The following GRM7 variants were observed in gnomAD, a reference collection of about 807,000 sequenced individuals.
The protein encoded by GRM7 is metabotropic glutamate receptor 7.
Under a neutral mutation model 84.5 loss-of-function variants are expected in GRM7, and 35 were observed. The ratio of observed to expected loss-of-function variants is 0.41; its 90% CI spans 0.32 to 0.55. The LOEUF is 0.55. Among genes scored for constraint, GRM7 ranks in the 20% least tolerant of loss-of-function variants. GRM7 has a pLI of 0.19. For synonymous variants in GRM7, 487 were observed against 455.1 expected (o/e 1.07, Z -0.89); for missense variants, 1,003 against 1,194.6 (o/e 0.84, Z 2.36).
intron 1 of GRM7, among the ~76,000 whole-genome samples, chr3:6,943,529 T>A (rs1472880537): frequency 6.6e-6 from 1 of 152,080 alleles, no homozygotes; most frequent in Admixed American, 6.5e-5. Flanking sequence ...ATTTATAGAT[T>A]CTATTCTGCT....
intron 1 of GRM7, among the ~76,000 whole-genome samples, chr3:7,059,187 C>T (rs1697338826): frequency 6.6e-6 from 1 of 151,722 alleles, no homozygotes; most frequent in African/African-American, 2.4e-5. Flanking sequence ...ATGTATTACA[C>T]ATATATGTAA....
intron 2 of GRM7, among the ~76,000 whole-genome samples, chr3:7,184,785 C>T (rs1031162174): frequency 1.3e-5 from 2 of 152,052 alleles, no homozygotes; most frequent in African/African-American, 2.4e-5. Context: ...CCTTACATTA[C>T]TCATTTGACA....
intron 4 of GRM7, among the ~76,000 whole-genome samples, chr3:7,352,649 G>C (rs1473966880): frequency 6.6e-6 from 1 of 152,086 alleles, no homozygotes; most frequent in Non-Finnish European, 1.5e-5. Context: ...ATGGACTCTT[G>C]CAAGAGAATA....
intron 9 of GRM7, among the ~76,000 whole-genome samples, chr3:7,706,693 C>T (rs1461394164): frequency 2.6e-5 from 4 of 152,240 alleles, no homozygotes; most frequent in South Asian, 2.1e-4. Context: ...TATTGCTAAT[C>T]AGGGAAGCTC....
chr3:7,106,455 G>A lies in GRM7; in HGVS notation c.520-39997G>A, dbSNP rs116617532. 5.8e-3 allele frequency among the ~76,000 whole-genome samples: 867 copies of A among 150,670 alleles called. 8 individuals are homozygous for A. Among genetic ancestry groups the A allele is most frequent in the African/African-American group, 0.02 (811 of 40,784 alleles). ...TTTAAACATCTTGGATTGCTATCTT[G>A]GGCAGCCAAAAAGGAAAAAAAAATC... is the stretch of plus-strand genomic sequence containing the variant. On this transcript the variant is annotated intron_variant, in intron 1 of 9. Transcript: ENST00000357716.
chr3:7,144,761 C>T (rs1314043723), intron 1 of GRM7, among the ~76,000 whole-genome samples: 1 of 152,212 alleles, frequency 6.6e-6, no homozygotes, highest in East Asian at 1.9e-4. Flanking sequence ...TCTGATCCTA[C>T]ATCTTGTCAA....
intron 5 of GRM7, among the ~76,000 whole-genome samples, chr3:7,450,879 T>A (rs962169115): frequency 6.6e-6 from 1 of 152,114 alleles, no homozygotes; most frequent in Non-Finnish European, 1.5e-5. Context: ...CAAATTCAAG[T>A]AAATTTGGGA....
intron 2 of GRM7, among the ~76,000 whole-genome samples, chr3:7,222,930 A>ATG (rs1559510752): frequency 6.6e-6 from 1 of 152,198 alleles, no homozygotes; most frequent in Non-Finnish European, 1.5e-5. Context: ...TCTTGCCATC[A>ATG]ACATAAATGA....
At chr3:7,252,684 T>TTCTTTTCTTTTCTTCTTTTCTTTTTTTC (rs6147696) in intron 2 of GRM7, among the ~76,000 whole-genome samples, 1 of 118,236 alleles carries the variant, frequency 8.5e-6, no homozygotes, top group East Asian at 2.6e-4. Context: ...TTCTTTTCTT[T>TTCTTTTCTTTTCTTCTTTTCTTTTTTTC]TTTTCTTTTC....
At chr3:7,174,697 G>A (rs1490294927) in intron 2 of GRM7, among the ~76,000 whole-genome samples, 1 of 152,194 alleles carries the variant, frequency 6.6e-6, no homozygotes, top group Non-Finnish European at 1.5e-5. Flanking sequence ...AGAGGAGATA[G>A]GGAAGTGCTA....
chr3:7,604,830 T>C (rs1303794267), intron 8 of GRM7, among the ~76,000 whole-genome samples: 1 of 152,174 alleles, frequency 6.6e-6, no homozygotes, highest in Non-Finnish European at 1.5e-5. Context: ...CAGGTAAAAG[T>C]AGAAATCAGA....
At position 7,601,109 on chromosome 3, in the gene GRM7, C is replaced by T. The variant is rs141394377; in HGVS notation, c.2451+21752C>T. Among the ~76,000 whole-genome samples the T allele has an allele frequency of 2.4e-3, 366 of 152,274 alleles. 1 individual carries two copies. The highest frequency in any genetic ancestry group is 8.3e-3 in the African/African-American group (347 of 41,564). On this transcript the variant is annotated intron_variant, in intron 8 of 9. Coordinates refer to ENST00000357716, the MANE Select transcript of GRM7 (RefSeq NM_000844.4). ...GCTATCTCAAAATATCATTTATGTT[C>T]ATCATTATAATTATGCTGGTTATTA...
intron 7 of GRM7, among the ~76,000 whole-genome samples, chr3:7,462,468 G>C (rs896158749): frequency 1.3e-5 from 2 of 152,190 alleles, no homozygotes; most frequent in African/African-American, 4.8e-5. Context: ...TGGCAAAGTA[G>C]AATATGAGAT....
At chr3:6,868,218 A>T (rs570050521) in intron 1 of GRM7, among the ~76,000 whole-genome samples, 2 of 152,166 alleles carry the variant, frequency 1.3e-5, no homozygotes, top group Non-Finnish European at 2.9e-5. Flanking sequence ...GTAAGTGGCA[A>T]AGTCTGGATT....
Position 7,616,900 on chromosome 3 carries a change from C to T in GRM7, c.2451+37543C>T, listed in dbSNP as rs189749038. On this transcript the variant is annotated intron_variant, in intron 8 of 9. Coordinates refer to ENST00000357716, the MANE Select transcript of GRM7 (RefSeq NM_000844.4). ...AAAGATTACTAGCTCTAAATTAATA[C>T]GTAGATTCAATGTAATTCTGATAAG... Among the ~76,000 whole-genome samples, 29 of 152,096 alleles carry T rather than the reference C, an allele frequency of 1.9e-4. No homozygotes were observed. In the South Asian group the frequency reaches 2.3e-3, roughly 12 times the overall value.
intron 4 of GRM7, among the ~76,000 whole-genome samples, chr3:7,412,057 C>T (rs928621238): frequency 1.3e-5 from 2 of 151,394 alleles, no homozygotes; most frequent in African/African-American, 4.9e-5. Context: ...TCCCTCTCTC[C>T]CTCTTGTCAT....
At chr3:7,552,272 G>A (rs1693513231) in intron 7 of GRM7, among the ~76,000 whole-genome samples, 1 of 152,202 alleles carries the variant, frequency 6.6e-6, no homozygotes, top group South Asian at 2.1e-4. Context: ...CTCCACCCCT[G>A]TAGCTTTGTA....
intron 9 of GRM7, among the ~76,000 whole-genome samples, chr3:7,707,758 G>A (rs746440560): frequency 6.6e-6 from 1 of 152,094 alleles, no homozygotes; most frequent in Non-Finnish European, 1.5e-5. Flanking sequence ...AAAATTCCAA[G>A]CTCCCTTTGT....
chr3:7,322,214 A>G (rs1700809118), intron 4 of GRM7, among the ~76,000 whole-genome samples: 1 of 152,098 alleles, frequency 6.6e-6, no homozygotes, highest in Non-Finnish European at 1.5e-5. Flanking sequence ...ATAATATGCC[A>G]GGTATACAAA....
Sources: gnomAD v4.1 joint callset for allele counts (sites outside exome capture counted in the v4.1 genomes callset) on GRCh38, gnomAD v4.1.1 for gene constraint, MANE v1.5 for transcripts, NCBI Gene and HGNC (gene_info 2026-07-23, HGNC 2026-07-21) for gene names.